The following ABCA12 variants were observed in gnomAD, a reference collection of about 807,000 sequenced individuals.
ABCA12 encodes glucosylceramide transporter ABCA12.
ABCA12 carries 156 observed loss-of-function variants against 293.5 expected under a neutral mutation model. That is an observed-to-expected ratio of 0.53 (90% confidence interval 0.47 to 0.61). The LOEUF is 0.61. ABCA12 is among the 20% of genes least tolerant of loss of function. The pLI is 0.00. For missense variants in ABCA12, 2,797 were observed against 3,090.2 expected, an observed-to-expected ratio of 0.91 and a Z score of 2.25; for synonymous variants, 1,063 against 1,108.0, an observed-to-expected ratio of 0.96 and a Z score of 0.81.
intron 51 of ABCA12, among the ~76,000 whole-genome samples, chr2:214,937,282 T>C (rs1431457232): frequency 1.3e-5 from 2 of 152,228 alleles, no homozygotes; most frequent in Non-Finnish European, 2.9e-5. Context: ...CACTGCAACC[T>C]CTGCCTCCCA....
At chr2:215,046,782 G>A (rs1008043639) in intron 6 of ABCA12, among the ~76,000 whole-genome samples, 2 of 151,904 alleles carry the variant, frequency 1.3e-5, no homozygotes, top group Non-Finnish European at 2.9e-5. Context: ...TTTAAGGCTA[G>A]TGTATGTACT....
intron 7 of ABCA12, among the ~76,000 whole-genome samples, chr2:215,040,343 A>G (rs569917862): frequency 6.6e-6 from 1 of 152,352 alleles, no homozygotes; most frequent in Admixed American, 6.5e-5. Context: ...TATAAAGAAA[A>G]CATATAAATA....
rs752994692 is a variant in ABCA12, at chr2:215,054,668, G to A, written c.318-4C>T. 1.9e-6 allele frequency: 3 copies of A among 1,608,864 alleles called. No homozygotes were observed. Among genetic ancestry groups the A allele is most frequent in the Admixed American group, 1.7e-5 (1 of 59,860 alleles). On this transcript the variant is annotated splice_region_variant and splice_polypyrimidine_tract_variant and intron_variant, in intron 3 of 52. Coordinates refer to ENST00000272895, the MANE Select transcript of ABCA12 (RefSeq NM_173076.3). The stretch of plus-strand genomic sequence containing the variant: ...GGATGACTTTCTCAGAATCTCACTA[G>A]AGAAGAAAAAGCAAGAACTCTGTAA...
rs1053719631 is a variant in ABCA12 at position 214,941,400 on chromosome 2, T to C, written c.7436+1525A>G. 2.6e-5 allele frequency among the ~76,000 whole-genome samples: 4 copies of C among 152,312 alleles called. No individual in the cohort carries two copies. The East Asian group carries it at 7.7e-4, about 29-fold the overall frequency. The stretch of plus-strand genomic sequence containing the variant: ...TGTGGTCAATTTTAGAATAGTGATG[T>C]GGTGCTGAGAAGAATGTATATTCTG... On this transcript the variant is annotated intron_variant, in intron 50 of 52. Transcript: ENST00000272895.
chr2:215,103,265 TTC>T (rs1041617050), intron 2 of ABCA12, among the ~76,000 whole-genome samples: 33 of 97,872 alleles, frequency 3.4e-4, no homozygotes, highest in African/African-American at 8.2e-4. Context: ...TAAAATTTCT[TTC>T]TTTTTTTTTT....
chr2:215,086,681 C>T (rs187488621), intron 2 of ABCA12, among the ~76,000 whole-genome samples: 13 of 152,220 alleles, frequency 8.5e-5, no homozygotes, highest in South Asian at 2.1e-4. Flanking sequence ...TGTATTGTTG[C>T]GTGTGCCTCT....
At chr2:214,933,644 A>G (rs1698132344) in intron 52 of ABCA12, among the ~76,000 whole-genome samples, 1 of 152,204 alleles carries the variant, frequency 6.6e-6, no homozygotes, top group Non-Finnish European at 1.5e-5. Context: ...TTCTGCATTT[A>G]CCACTTTAAT....
intron 48 of ABCA12, among the ~76,000 whole-genome samples, 185 bp from the exon 49 acceptor site, chr2:214,945,289 A>G (rs1482078790): frequency 1.3e-5 from 2 of 152,164 alleles, no homozygotes; most frequent in Non-Finnish European, 2.9e-5. Flanking sequence ...ATCATTTAAA[A>G]TTGTCAATCT....
intron 1 of ABCA12, among the ~76,000 whole-genome samples, chr2:215,116,823 C>T (rs548883967): frequency 6.6e-6 from 1 of 152,288 alleles, no homozygotes; most frequent in South Asian, 2.1e-4. Context: ...AAAGAAACAA[C>T]TGATACTTTA....
intron 2 of ABCA12, among the ~76,000 whole-genome samples, chr2:215,076,665 T>C (rs1190628797): frequency 6.6e-6 from 1 of 152,072 alleles, no homozygotes; most frequent in Non-Finnish European, 1.5e-5. Context: ...AACACACACA[T>C]GTGCAAAAGG....
chr2:215,071,113 C>T (rs538284000), intron 2 of ABCA12, among the ~76,000 whole-genome samples: 1 of 151,794 alleles, frequency 6.6e-6, no homozygotes, highest in Admixed American at 6.6e-5. Flanking sequence ...AGGAGAATCG[C>T]TTGAGCTCAG....
intron 3 of ABCA12, among the ~76,000 whole-genome samples, chr2:215,063,722 T>C (rs1052912472): frequency 3.9e-5 from 6 of 151,988 alleles, no homozygotes; most frequent in African/African-American, 7.2e-5. Flanking sequence ...CTGACACTTA[T>C]CTTACACTTA....
At chr2:215,135,670 TCTC>T (rs1324156757) in intron 1 of ABCA12, among the ~76,000 whole-genome samples, 6 of 152,182 alleles carry the variant, frequency 3.9e-5, no homozygotes, top group Admixed American at 2.0e-4. Flanking sequence ...AAAACACTCT[TCTC>T]CTCAAATTCA....
chr2:215,013,387 G>A (rs558388404), intron 15 of ABCA12, among the ~76,000 whole-genome samples: 1 of 152,332 alleles, frequency 6.6e-6, no homozygotes, highest in African/African-American at 2.4e-5. Context: ...GGAAGTCAAA[G>A]ACCAAGATTT....
intron 23 of ABCA12, among the ~76,000 whole-genome samples, chr2:214,993,967 G>GT (rs1699981112): frequency 6.6e-6 from 1 of 152,150 alleles, no homozygotes; most frequent in South Asian, 2.1e-4. Flanking sequence ...ATTTGCAAAA[G>GT]TTAGAGACTC....
intron 2 of ABCA12, among the ~76,000 whole-genome samples, chr2:215,086,247 A>G (rs973385498): frequency 2.6e-5 from 4 of 152,238 alleles, no homozygotes; most frequent in Admixed American, 2.0e-4. Context: ...CTTAGCAACT[A>G]TCAATTAACT....
At chr2:215,003,057 A>G (rs1700176797) in intron 20 of ABCA12, among the ~76,000 whole-genome samples, 1 of 152,214 alleles carries the variant, frequency 6.6e-6, no homozygotes, top group Non-Finnish European at 1.5e-5. Flanking sequence ...TGGGTTGACT[A>G]TCATAATATG....
intron 49 of ABCA12, among the ~76,000 whole-genome samples, chr2:214,944,761 A>G (rs903857198): frequency 1.3e-5 from 2 of 152,076 alleles, no homozygotes; most frequent in Non-Finnish European, 2.9e-5. Context: ...TCTCACCATG[A>G]AACCTGCCTG....
intron 1 of ABCA12, among the ~76,000 whole-genome samples, chr2:215,118,397 G>A (rs1043987731): frequency 2.1e-4 from 32 of 151,588 alleles, no homozygotes; most frequent in East Asian, 1.2e-3. Flanking sequence ...GTGAGACTCC[G>A]TCTCAAAAAA....
Sources: allele counts gnomAD v4.1 joint callset (sites outside exome capture counted in the v4.1 genomes callset), GRCh38; gene constraint gnomAD v4.1.1; transcripts MANE v1.5; gene names NCBI Gene and HGNC (gene_info 2026-07-23, HGNC 2026-07-21).